Variants in OSR1 observed in about 807,000 individuals in gnomAD.
OSR1 encodes odd-skipped related transcription factor 1.
Under a neutral mutation model 15.7 loss-of-function variants are expected in OSR1, and 3 were observed. The observed-to-expected ratio is 0.19, with a 90% CI of 0.09 to 0.50. The LOEUF (loss-of-function observed/expected upper bound fraction) is 0.50, where lower values mean the gene tolerates loss of function less well. OSR1 is among the 20% of genes least tolerant of loss of function. The probability of loss-of-function intolerance (pLI) is 0.97; values close to 1 mark genes in which losing one functional copy is unlikely to be tolerated. For missense variants in OSR1, 271 were observed against 351.1 expected (o/e 0.77, Z 1.82); for synonymous variants, 166 against 152.7 (o/e 1.09, Z -0.64).
chr2:19,346,238 A>G, the OSR1 span, among the ~76,000 whole-genome samples: 1 of 152,226 alleles, frequency 6.6e-6, no homozygotes, highest in African/African-American at 2.4e-5. Flanking sequence ...TGGAAAAGGG[A>G]AACAAAAACT....
chr2:19,354,031 T>C (rs1022324021), intron 1 of OSR1, 194 bp from the exon 2 acceptor site: 13 of 561,962 alleles, frequency 2.3e-5, no homozygotes, highest in Non-Finnish European at 4.1e-5. Context: ...GGGAGCCCTC[T>C]TTTCAGAACC....
downstream of OSR1, among the ~76,000 whole-genome samples, chr2:19,347,201 G>A (rs765123285): frequency 1.3e-5 from 2 of 152,168 alleles, no homozygotes; most frequent in Non-Finnish European, 2.9e-5. Flanking sequence ...AATGCTGAGA[G>A]GCATTTCTAA....
Position 19,353,314 on chromosome 2 carries a change from C to T in OSR1, c.492G>A (p.Arg164=), listed in dbSNP as rs201130400. 204 of 1,614,248 alleles carry T rather than the reference C, an allele frequency of 1.3e-4. 3 individuals carry two copies. Among genetic ancestry groups the T allele is most frequent in the South Asian group, 1.1e-3 (99 of 91,086 alleles). ...TKLSPEKKPT[R]GRLPSKTKKE... is the part of the protein sequence containing the mutation. ...TCTTGGTCTTGGAAGGCAGACGTCC[C>T]CTTGTGGGCTTCTTTTCTGGAGACA... Residue 164 remains arginine (R), a synonymous_variant, in exon 2 of 3, where the codon AGG becomes AGA. Coordinates refer to ENST00000272223, the MANE Select transcript of OSR1 (RefSeq NM_145260.3).
chr2:19,354,127 C>G (rs1465679324), intron 1 of OSR1: 1 of 300,766 alleles, frequency 3.3e-6, no homozygotes. Flanking sequence ...ATGCAAGACA[C>G]TGAGAAAGGA....
rs942812234 is a variant in OSR1 at position 19,357,260 on chromosome 2, C to G, written c.-33+1081G>C. ...CTAGTCCCCTCCAGCGCTTCTCTTC[C>G]CTAGGGGGTTGTGAACCTGGGACAC... On this transcript the variant is annotated intron_variant, in intron 1 of 2. Coordinates refer to ENST00000272223, the MANE Select transcript of OSR1 (RefSeq NM_145260.3). This position sits in a 1 kb window ranked among gnomAD's most constrained non-coding sequence, Gnocchi z 5.0. Among the ~76,000 whole-genome samples, 6 of 152,292 alleles carry G rather than the reference C, an allele frequency of 3.9e-5. No individual in the cohort carries two copies. The South Asian group carries it at 1.0e-3, about 26-fold the overall frequency.
rs1195111744 is a variant in OSR1, at chr2:19,351,914, A to G, written c.*361T>C. The G allele has an allele frequency of 1.6e-4, 28 of 179,232 alleles. No individual in the cohort carries two copies. The Admixed American group carries it at 1.6e-3, about 10-fold the overall frequency. The allele number at this position is 179,232 out of a possible 1,614,324, so 11.1% of individuals were successfully genotyped here. On this transcript the variant is annotated 3_prime_UTR_variant, in exon 3 of 3. Transcript: ENST00000272223. ...GAGTTACAAGCTTATATGGTCAAAGACAAAAATAAAAAAGAAAACGTATAA... is the reference window on the plus strand; with the variant it reads ...GAGTTACAAGCTTATATGGTCAAAGGCAAAAATAAAAAAGAAAACGTATAA...
At chr2:19,356,378 T>C (rs1664950509) in intron 1 of OSR1, 1 of 152,350 alleles carries the variant, frequency 6.6e-6, no homozygotes, top group African/African-American at 2.4e-5. Flanking sequence ...GTTCCTTGTT[T>C]TCTGAAGCAT....
chr2:19,349,676 C>T (rs1298774684), downstream of OSR1, among the ~76,000 whole-genome samples: 1 of 152,148 alleles, frequency 6.6e-6, no homozygotes, highest in Non-Finnish European at 1.5e-5. Flanking sequence ...GCTCGATCTT[C>T]AGGGAGGTGG....
At position 19,353,809 on chromosome 2, in the gene OSR1, G is replaced by C. The variant is rs45535040; in HGVS notation, c.-4C>G. 3,705 of 1,605,888 alleles carry C rather than the reference G, an allele frequency of 2.3e-3. 74 individuals are homozygous for C. The African/African-American group carries it at 0.043, about 19-fold the overall frequency. ...CCGGCAAGGTTTTGCTGCCCATTTCGGTAGTTGCAGTGGCTTCTCAATCCG... is the reference window on the plus strand; with the variant it reads ...CCGGCAAGGTTTTGCTGCCCATTTCCGTAGTTGCAGTGGCTTCTCAATCCG... On this transcript the variant is annotated 5_prime_UTR_variant, in exon 2 of 3. Transcript: ENST00000272223.
At position 19,352,252 on chromosome 2, in the gene OSR1, T is replaced by C. The variant is rs1664856994; in HGVS notation, c.*23A>G. ...GAGGAGAGGGCCGCTGGGCCTAGGG[T>C]CCTTGTGACCCACAGGTTCTATTTA... is the stretch of plus-strand genomic sequence containing the variant. On this transcript the variant is annotated 3_prime_UTR_variant, in exon 3 of 3. Transcript: ENST00000272223. The C allele has an allele frequency of 1.9e-6, 3 of 1,613,320 alleles. No individual in the cohort carries two copies. The highest frequency in any genetic ancestry group is 1.6e-4 in the Middle Eastern group (1 of 6,066).
At chr2:19,350,899 T>C (rs1474686638), downstream of OSR1, among the ~76,000 whole-genome samples, 1 of 152,118 alleles carries the variant, frequency 6.6e-6, no homozygotes, top group Non-Finnish European at 1.5e-5. Flanking sequence ...AAGCAGAGAA[T>C]TGTGTCTGAG....
At chr2:19,348,558 G>T (rs1485644528), downstream of OSR1, 2 of 154,268 alleles carry the variant, frequency 1.3e-5, no homozygotes, top group Non-Finnish European at 2.9e-5. Flanking sequence ...GATTCTAGGG[G>T]ATTTAGGATA....
At chr2:19,347,318 G>A (rs1240919318), downstream of OSR1, among the ~76,000 whole-genome samples, 2 of 152,200 alleles carry the variant, frequency 1.3e-5, no homozygotes, top group African/African-American at 4.8e-5. Context: ...TTGGCAAAAT[G>A]TGTATTACTT....
chr2:19,352,228 A>G lies in OSR1; in HGVS notation c.*47T>C, dbSNP rs1460377532. 1 of 1,603,884 alleles carries G rather than the reference A, an allele frequency of 6.2e-7. No individual in the cohort carries two copies. Among genetic ancestry groups the G allele is most frequent in the Non-Finnish European group, 8.5e-7 (1 of 1,173,092 alleles). ...AGAGTCAGGCTTCTGGTCCCTATGG[A>G]GGAGAGGGCCGCTGGGCCTAGGGTC... On this transcript the variant is annotated 3_prime_UTR_variant, in exon 3 of 3. Transcript: ENST00000272223.
chr2:19,353,437 G>C lies in OSR1; in HGVS notation c.369C>G (p.Ala123=), dbSNP rs143325472. Residue 123 remains alanine, a synonymous_variant, in exon 2 of 3, where the codon GCC becomes GCG. Transcript: ENST00000272223. ...CCGGATCTTCTTGCGTTGCTGCCAAGGCCAGGTTGGCAAAATCAAAGCGCG... is the reference window on the plus strand; with the variant it reads ...CCGGATCTTCTTGCGTTGCTGCCAACGCCAGGTTGGCAAAATCAAAGCGCG... ...TKPRFDFANL[A]LAATQEDPAK... is the part of the protein sequence containing the mutation. 2.0e-5 allele frequency: 32 copies of C among 1,613,942 alleles called. No homozygotes were observed. The African/African-American group carries it at 3.9e-4, about 20-fold the overall frequency.
downstream of OSR1, among the ~76,000 whole-genome samples, chr2:19,348,194 CAAG>C (rs1465842403): frequency 6.6e-6 from 1 of 152,106 alleles, no homozygotes; most frequent in Non-Finnish European, 1.5e-5. Context: ...ACCACTGATT[CAAG>C]AAGAGGACGC....
intron 2 of OSR1, 115 bp downstream of exon 2, chr2:19,353,026 T>TCCCTGAAG: frequency 4.7e-6 from 6 of 1,276,654 alleles, no homozygotes; most frequent in Non-Finnish European, 6.4e-6. Flanking sequence ...TTTAAAGAAT[T>TCCCTGAAG]CCCTGAAGCT....
At position 19,353,043 on chromosome 2, in the gene OSR1, G is replaced by A. The variant is rs567591721; in HGVS notation, c.665+98C>T. On this transcript the variant is annotated intron_variant, in intron 2 of 2. Transcript: ENST00000272223. The stretch of plus-strand genomic sequence containing the variant: ...TAAAGAATTCCCTGAAGCTCCAGAG[G>A]CTTGGAGCCAGTAGGGGGTCTCAAG... 6 of 1,396,636 alleles carry A rather than the reference G, an allele frequency of 4.3e-6. No individual in the cohort carries two copies. In the African/African-American group the frequency reaches 8.6e-5, roughly 20 times the overall value. The allele number at this position is 1,396,636 out of a possible 1,614,324, so 86.5% of individuals were successfully genotyped here. A position where few individuals can be genotyped will look rare whatever the true frequency, so the allele number is the denominator to read the frequency against.
chr2:19,353,948 A>T (rs898190547), intron 1 of OSR1, 111 bp from the exon 2 acceptor site: 1 of 882,438 alleles, frequency 1.1e-6, no homozygotes, highest in East Asian at 2.7e-5. Flanking sequence ...CACCCAGCGC[A>T]GGAGCTAAGA....
Sources: gnomAD v4.1 joint callset for allele counts (sites outside exome capture counted in the v4.1 genomes callset) on GRCh38, gnomAD v4.1.1 for gene constraint, Gnocchi (gnomAD v3.1) non-coding constraint, MANE v1.5 for transcripts, NCBI Gene and HGNC (gene_info 2026-07-23, HGNC 2026-07-21) for gene names.